TBC1D5: variants seen among roughly 807,000 people sequenced by gnomAD.
TBC1D5 encodes TBC1 domain family, member 5.
Under a neutral mutation model 100.3 loss-of-function variants are expected in TBC1D5, and 75 were observed. The ratio of observed to expected loss-of-function variants is 0.75; its 90% CI spans 0.62 to 0.91. The LOEUF (loss-of-function observed/expected upper bound fraction) is 0.91. Ranked by LOEUF, TBC1D5 falls within the 40% of genes least tolerant of loss-of-function variation. The probability of loss-of-function intolerance (pLI) is 0.00; values close to 1 mark genes in which losing one functional copy is unlikely to be tolerated. For synonymous variants in TBC1D5, 323 were observed against 325.6 expected (o/e 0.99, Z 0.09); for missense variants, 910 against 942.4 (o/e 0.97, Z 0.45).
chr3:17,171,230 T>C (rs1158729097), intron 19 of TBC1D5, among the ~76,000 whole-genome samples: 1 of 152,082 alleles, frequency 6.6e-6, no homozygotes, highest in African/African-American at 2.4e-5. Context: ...GAGCACGCCA[T>C]GGAGCCACTG....
intron 3 of TBC1D5, among the ~76,000 whole-genome samples, chr3:17,458,080 A>C (rs1232444849): frequency 1.3e-5 from 2 of 152,210 alleles, no homozygotes; most frequent in African/African-American, 4.8e-5. Context: ...TGATCCTAAC[A>C]GCAGAGTAAG....
At chr3:17,715,139 G>C (rs73170858) in intron 1 of TBC1D5, among the ~76,000 whole-genome samples, 7,637 of 152,264 alleles carry the variant, frequency 0.05, 614 homozygotes, top group African/African-American at 0.17. Flanking sequence ...TTTACTAAAT[G>C]TAAATGTCAT....
chr3:17,556,771 G>A (rs553572033), intron 2 of TBC1D5, among the ~76,000 whole-genome samples: 43 of 152,208 alleles, frequency 2.8e-4, no homozygotes, highest in African/African-American at 9.6e-4. Context: ...ATACACTACA[G>A]AACCATTAAG....
intron 3 of TBC1D5, among the ~76,000 whole-genome samples, chr3:17,470,496 T>C (rs2095360068): frequency 1.3e-5 from 2 of 152,236 alleles, no homozygotes; most frequent in South Asian, 4.1e-4. Context: ...AGTATATCTA[T>C]ATTTCTATAA....
chr3:17,352,938 AAAC>A (rs1472526091), intron 13 of TBC1D5, among the ~76,000 whole-genome samples: 4 of 152,146 alleles, frequency 2.6e-5, no homozygotes, highest in Admixed American at 6.6e-5. Flanking sequence ...CAAACACACT[AAAC>A]AAACTTAAAC....
At chr3:17,712,018 T>C (rs1167350332) in intron 1 of TBC1D5, among the ~76,000 whole-genome samples, 1 of 152,228 alleles carries the variant, frequency 6.6e-6, no homozygotes, top group Non-Finnish European at 1.5e-5. Context: ...CTTAATTAAA[T>C]GTATGTCACA....
At chr3:17,417,218 T>G (rs2094100799) in intron 4 of TBC1D5, among the ~76,000 whole-genome samples, 1 of 152,112 alleles carries the variant, frequency 6.6e-6, no homozygotes. Context: ...TACTTTAAGT[T>G]TTAGGGTTCA....
intron 1 of TBC1D5, among the ~76,000 whole-genome samples, chr3:17,663,387 T>C (rs1217014090): frequency 1.3e-5 from 2 of 151,602 alleles, no homozygotes; most frequent in African/African-American, 4.8e-5. Context: ...AAAAGACTGA[T>C]CTTAATATAT....
At chr3:17,283,800 A>G (rs1416974213) in intron 15 of TBC1D5, among the ~76,000 whole-genome samples, 1 of 152,114 alleles carries the variant, frequency 6.6e-6, no homozygotes, top group African/African-American at 2.4e-5. Flanking sequence ...GAACAAACTA[A>G]TAGCAAGCCC....
At chr3:17,342,473 T>C (rs1251770983) in intron 13 of TBC1D5, among the ~76,000 whole-genome samples, 1 of 152,238 alleles carries the variant, frequency 6.6e-6, no homozygotes, top group Non-Finnish European at 1.5e-5. Flanking sequence ...CTCCTTGAGC[T>C]GTATTTCTAG....
chr3:17,255,954 G>C (rs1037156275), intron 16 of TBC1D5, among the ~76,000 whole-genome samples: 2 of 152,034 alleles, frequency 1.3e-5, no homozygotes, highest in African/African-American at 4.8e-5. Flanking sequence ...GAGAATGGCG[G>C]GAACCCGGGA....
chr3:17,329,306 G>A (rs1473654224), intron 13 of TBC1D5, among the ~76,000 whole-genome samples: 1 of 152,170 alleles, frequency 6.6e-6, no homozygotes, highest in Non-Finnish European at 1.5e-5. Flanking sequence ...GTATGACTGT[G>A]AGTATAAATA....
intron 2 of TBC1D5, among the ~76,000 whole-genome samples, chr3:17,537,182 T>C (rs1576581493): frequency 6.6e-6 from 1 of 152,328 alleles, no homozygotes; most frequent in East Asian, 1.9e-4. Context: ...GCCCACTATC[T>C]GTCATTTGAT....
chr3:17,190,479 C>A (rs2069732973), intron 18 of TBC1D5, among the ~76,000 whole-genome samples: 1 of 152,124 alleles, frequency 6.6e-6, no homozygotes, highest in African/African-American at 2.4e-5. Flanking sequence ...AAGTATGGCA[C>A]CTAGGCAACC....
At chr3:17,495,029 G>A (rs140165748) in intron 3 of TBC1D5, among the ~76,000 whole-genome samples, 1,727 of 152,286 alleles carry the variant, frequency 0.011, 25 homozygotes, top group African/African-American at 0.039. Context: ...CCCTTGCCCC[G>A]TGCGGCTCCC....
rs373966244 is a variant in TBC1D5, at chr3:17,713,946, G to A, written c.-101+25397C>T. On this transcript the variant is annotated intron_variant, in intron 1 of 21. Transcript: ENST00000253692. ...GTTTTGTCAAAATCATGGAACAGTCGAAGTTGTATAATAGCCAAATAAATG... is the reference window on the plus strand; with the variant it reads ...GTTTTGTCAAAATCATGGAACAGTCAAAGTTGTATAATAGCCAAATAAATG... 3.9e-5 allele frequency among the ~76,000 whole-genome samples: 6 copies of A among 152,094 alleles called. 1 individual carries two copies. In the South Asian group the frequency reaches 6.2e-4, roughly 16 times the overall value.
At chr3:17,248,845 CTGT>C (rs1187581746) in intron 16 of TBC1D5, among the ~76,000 whole-genome samples, 2 of 152,202 alleles carry the variant, frequency 1.3e-5, no homozygotes, top group African/African-American at 2.4e-5. Flanking sequence ...TACCGAAAAT[CTGT>C]TGTTCAGTGT....
chr3:17,683,228 C>T (rs2069745571), intron 1 of TBC1D5, among the ~76,000 whole-genome samples: 1 of 151,402 alleles, frequency 6.6e-6, no homozygotes, highest in Non-Finnish European at 1.5e-5. Flanking sequence ...GCTCAGGCAA[C>T]AAGCACTTAA....
chr3:17,242,236 T>A lies in TBC1D5; in HGVS notation c.1332-3817A>T, dbSNP rs910767246. 4.6e-5 allele frequency among the ~76,000 whole-genome samples: 7 copies of A among 152,154 alleles called. No homozygotes were observed. The East Asian group carries it at 1.3e-3, about 29-fold the overall frequency. On this transcript the variant is annotated intron_variant, in intron 16 of 21. Transcript: ENST00000253692. ...TTCTGAAGCTTTTAAAAAACCATTA[T>A]CACATTATCACCTCTATAAAAATTC... is the stretch of plus-strand genomic sequence containing the variant.
Sources: gnomAD v4.1 joint callset for allele counts (sites outside exome capture counted in the v4.1 genomes callset) on GRCh38, gnomAD v4.1.1 for gene constraint, MANE v1.5 for transcripts, NCBI Gene and HGNC (gene_info 2026-07-23, HGNC 2026-07-21) for gene names.